Variants in ITGAL observed in about 807,000 individuals in gnomAD.
ITGAL encodes integrin subunit alpha L.
In ITGAL, 68 loss-of-function variants were observed where a neutral mutation model predicts 138.4. The ratio of observed to expected loss-of-function variants is 0.49; its 90% CI spans 0.40 to 0.60. ITGAL has a LOEUF of 0.60. Ranked by LOEUF, ITGAL falls within the 20% of genes least tolerant of loss-of-function variation. The pLI is 0.00. For missense variants in ITGAL, 1,256 were observed against 1,478.6 expected, an observed-to-expected ratio of 0.85 and a Z score of 2.47; for synonymous variants, 561 against 584.3, an observed-to-expected ratio of 0.96 and a Z score of 0.57.
At position 30,494,241 on chromosome 16, in the gene ITGAL, CAA is replaced by C; in HGVS notation, c.1246_1247del (p.Lys416AspfsTer89). On this transcript the variant is annotated frameshift_variant, in exon 12 of 31. Coordinates refer to ENST00000356798, the MANE Select transcript of ITGAL (RefSeq NM_002209.3). LOFTEE classifies it high-confidence loss of function. The surrounding 1 kb of genome is among the most constrained non-coding windows in gnomAD (Gnocchi z 4.2). ...GYTVTWLPSR[Q>X]KTSLLASGAP... The stretch of plus-strand genomic sequence containing the variant: ...CACCGTGACCTGGCTGCCCTCCCGG[CAA>C]AAGACTTCGTTGCTGGCCTCGGGAG... 1 of 1,611,700 alleles carries C rather than the reference CAA, an allele frequency of 6.2e-7. No individual in the cohort carries two copies. The highest frequency in any genetic ancestry group is 1.1e-5 in the South Asian group (1 of 90,880).
intron 9 of ITGAL, among the ~76,000 whole-genome samples, chr16:30,484,917 CAAACA>C (rs550985747): frequency 2.0e-5 from 3 of 151,494 alleles, no homozygotes; most frequent in Admixed American, 1.3e-4. Flanking sequence ...GACTCAGTCT[CAAACA>C]AAACAAAACA....
chr16:30,502,133 C>G (rs986656798), intron 17 of ITGAL, among the ~76,000 whole-genome samples: 2 of 152,152 alleles, frequency 1.3e-5, no homozygotes, highest in East Asian at 1.9e-4. Flanking sequence ...CGCGGTGGCT[C>G]ACGCCTCTAA....
At chr16:30,499,699 G>GTATATATATATATGTATATATATATA (rs1567478313) in intron 17 of ITGAL, 5 of 99,736 alleles carry the variant, frequency 5.0e-5, no homozygotes, top group African/African-American at 1.6e-4. Flanking sequence ...ATATATATGT[G>GTATATATATATATGTATATATATATA]TATATATATA....
At chr16:30,489,478 A>T (rs1003987958) in intron 11 of ITGAL, 92 bp downstream of exon 11, 15 of 1,259,940 alleles carry the variant, frequency 1.2e-5, no homozygotes, top group Non-Finnish European at 1.7e-5. Context: ...AAAGCAGTTA[A>T]GCAACCAGCA....
In ITGAL at chr16:30,521,714, C is replaced by T. The variant is rs780314933; in HGVS notation, c.*49C>T. The T allele has an allele frequency of 1.9e-6, 3 of 1,566,392 alleles. No individual in the cohort carries two copies. The Admixed American group carries it at 5.3e-5, about 28-fold the overall frequency. On this transcript the variant is annotated 3_prime_UTR_variant, in exon 31 of 31. Coordinates refer to ENST00000356798, the MANE Select transcript of ITGAL (RefSeq NM_002209.3). The stretch of plus-strand genomic sequence containing the variant: ...TGCCCAGAACTGGACTCAGGATGCC[C>T]AGGGCCACTCTGCCTCTGCCTGCAT...
intron 20 of ITGAL, 120 bp from the exon 21 acceptor site, chr16:30,506,591 AAAAG>A: frequency 1.5e-5 from 7 of 460,756 alleles, no homozygotes; most frequent in East Asian, 8.4e-5. Flanking sequence ...AAAAAAAAAA[AAAAG>A]ACTGAGCATA....
At chr16:30,483,209 C>T (rs1052036575) in intron 7 of ITGAL, 9 of 152,300 alleles carry the variant, frequency 5.9e-5, no homozygotes, top group Non-Finnish European at 1.5e-5. Context: ...CTCCCTCCTT[C>T]ATCTCACATG....
intron 9 of ITGAL, among the ~76,000 whole-genome samples, chr16:30,487,142 CAAAAAAAAAA>C (rs1165678423): frequency 7.0e-5 from 3 of 42,960 alleles, no homozygotes; most frequent in Non-Finnish European, 4.9e-5. Context: ...GACTCCGTCT[CAAAAAAAAAA>C]AAAAAAAAAA....
At chr16:30,498,727 C>G (rs1364212161) in intron 15 of ITGAL, 1 of 198,624 alleles carries the variant, frequency 5.0e-6, no homozygotes, top group African/African-American at 2.3e-5. Flanking sequence ...AGGAAGGTCC[C>G]TTCTCTACAA....
chr16:30,473,638 G>A (rs1597057089), intron 1 of ITGAL, among the ~76,000 whole-genome samples: 1 of 152,332 alleles, frequency 6.6e-6, no homozygotes, highest in South Asian at 2.1e-4. Context: ...AGAGAAAGCA[G>A]GGCGGAAAGG....
At position 30,506,799 on chromosome 16, in the gene ITGAL, C is replaced by T. The variant is rs763960018; in HGVS notation, c.2451C>T (p.Val817=). ...LSNLEEDAYW[V]QLDLHFPPGL... is the part of the protein sequence containing the mutation. Reference sequence around the variant, plus strand: ...ACTTGGAAGAAGATGCTTACTGGGTCCAGCTGGACCTGCACTTCCCCCCGG... The same window carrying T: ...ACTTGGAAGAAGATGCTTACTGGGTTCAGCTGGACCTGCACTTCCCCCCGG... Residue 817 remains valine (V), a synonymous_variant, in exon 21 of 31, where the codon GTC becomes GTT. Transcript: ENST00000356798. 3.7e-6 allele frequency: 6 copies of T among 1,613,934 alleles called. No individual in the cohort carries two copies. The Admixed American group carries it at 5.0e-5, about 13-fold the overall frequency.
intron 24 of ITGAL, among the ~76,000 whole-genome samples, chr16:30,511,842 A>C (rs1040856274): frequency 6.6e-6 from 1 of 152,208 alleles, no homozygotes; most frequent in Admixed American, 6.6e-5. Flanking sequence ...TGAAAGCCAG[A>C]CTTAAGAAGC....
intron 18 of ITGAL, among the ~76,000 whole-genome samples, 179 bp downstream of exon 18, chr16:30,504,443 C>T (rs34343751): frequency 0.014 from 2,090 of 152,176 alleles, 50 homozygotes; most frequent in African/African-American, 0.049. Flanking sequence ...GAAACCCCAT[C>T]TCTACTAAAA....
chr16:30,479,281 G>T (rs530486900), intron 5 of ITGAL, 50 bp from the exon 6 acceptor site: 2 of 1,613,438 alleles, frequency 1.2e-6, no homozygotes, highest in East Asian at 4.5e-5. Flanking sequence ...GCATGGGCAG[G>T]TCAAACACCA....
At chr16:30,493,602 A>G (rs1198892722) in intron 11 of ITGAL, among the ~76,000 whole-genome samples, 1 of 152,124 alleles carries the variant, frequency 6.6e-6, no homozygotes, top group Non-Finnish European at 1.5e-5. Context: ...TATTTAAGAA[A>G]AAAGAGGCCG....
At chr16:30,475,897 G>A (rs984448139) in intron 4 of ITGAL, among the ~76,000 whole-genome samples, 12 of 151,734 alleles carry the variant, frequency 7.9e-5, no homozygotes, top group Non-Finnish European at 1.0e-4. Flanking sequence ...GACTATAGGC[G>A]CATGCTACCA....
intron 9 of ITGAL, among the ~76,000 whole-genome samples, chr16:30,484,926 C>T (rs971971416): frequency 2.0e-5 from 3 of 151,020 alleles, no homozygotes; most frequent in African/African-American, 7.3e-5. Context: ...TCAAACAAAA[C>T]AAAACAAAAC....
intron 9 of ITGAL, among the ~76,000 whole-genome samples, chr16:30,487,024 T>A (rs2050656741): frequency 6.6e-6 from 1 of 150,648 alleles, no homozygotes. Flanking sequence ...GCGCCTGTAG[T>A]CCCAGCTACT....
intron 25 of ITGAL, 147 bp downstream of exon 25, chr16:30,513,993 A>G (rs1216142413): frequency 1.5e-6 from 1 of 649,764 alleles, no homozygotes; most frequent in East Asian, 2.8e-5. Flanking sequence ...CACAGCCTCC[A>G]CTTACAGGCT....
Sources: gnomAD v4.1 joint callset for allele counts (sites outside exome capture counted in the v4.1 genomes callset) on GRCh38, gnomAD v4.1.1 for gene constraint, Gnocchi (gnomAD v3.1) non-coding constraint, MANE v1.5 for transcripts, NCBI Gene and HGNC (gene_info 2026-07-23, HGNC 2026-07-21) for gene names.